SLC24A2: variants seen among roughly 807,000 people sequenced by gnomAD.
SLC24A2 encodes the protein sodium/potassium/calcium exchanger 2.
SLC24A2 carries 36 observed loss-of-function variants against 62.0 expected under a neutral mutation model. The observed-to-expected ratio is 0.58, with a 90% CI of 0.44 to 0.77. The LOEUF (loss-of-function observed/expected upper bound fraction) is 0.77. Ranked by LOEUF, SLC24A2 falls within the 30% of genes least tolerant of loss-of-function variation. SLC24A2 has a pLI of 0.00. For synonymous variants in SLC24A2, 358 were observed against 294.0 expected (o/e 1.22, Z -2.23); for missense variants, 846 against 817.9 (o/e 1.03, Z -0.42).
At chr9:19,534,033 C>A (rs1405302182) in intron 8 of SLC24A2, among the ~76,000 whole-genome samples, 2 of 152,110 alleles carry the variant, frequency 1.3e-5, no homozygotes, top group East Asian at 3.8e-4. Flanking sequence ...TTATCTCATG[C>A]TTTCCTTAAT....
chr9:19,690,281 C>T (rs1175629546), intron 2 of SLC24A2, among the ~76,000 whole-genome samples: 1 of 152,072 alleles, frequency 6.6e-6, no homozygotes, highest in African/African-American at 2.4e-5. Flanking sequence ...TACTGTGGGT[C>T]CGTTTGATTT....
intron 8 of SLC24A2, among the ~76,000 whole-genome samples, chr9:19,529,017 C>T (rs1833565202): frequency 6.6e-6 from 1 of 152,146 alleles, no homozygotes. Context: ...GAAACCCAGG[C>T]TTGCACTGTA....
At chr9:20,080,412 C>A in the SLC24A2 span, among the ~76,000 whole-genome samples, 1 of 152,148 alleles carries the variant, frequency 6.6e-6, no homozygotes, top group Admixed American at 6.5e-5. Flanking sequence ...GCTGGGAAAA[C>A]TGGCTAGCCA....
At chr9:19,778,975 C>T (rs1431733155) in intron 2 of SLC24A2, among the ~76,000 whole-genome samples, 1 of 151,890 alleles carries the variant, frequency 6.6e-6, no homozygotes, top group Non-Finnish European at 1.5e-5. Context: ...GAAAAAGAGC[C>T]ACATAAGACT....
At chr9:19,639,616 C>T (rs150277593) in intron 2 of SLC24A2, among the ~76,000 whole-genome samples, 35 of 152,282 alleles carry the variant, frequency 2.3e-4, no homozygotes, top group African/African-American at 7.2e-4. Context: ...TTTTTCTCAC[C>T]GATAATCTTG....
chr9:20,060,271 T>TAGAAG, the SLC24A2 span, among the ~76,000 whole-genome samples: 2 of 152,032 alleles, frequency 1.3e-5, no homozygotes, highest in Admixed American at 1.3e-4. Context: ...TCCCAAAAAA[T>TAGAAG]AGAAGAGAAC....
intron 5 of SLC24A2, among the ~76,000 whole-genome samples, chr9:19,582,632 C>G (rs7862398): frequency 0.24 from 37,105 of 152,040 alleles, 5,489 homozygotes; most frequent in African/African-American, 0.42. Context: ...TTATGGCTTG[C>G]CAGGTAGCTT....
the SLC24A2 span, among the ~76,000 whole-genome samples, chr9:19,848,057 T>G: frequency 6.6e-6 from 1 of 152,364 alleles, no homozygotes; most frequent in East Asian, 1.9e-4. Flanking sequence ...ACAATTCTTG[T>G]ATGATATCAG....
At chr9:19,798,299 G>C in the SLC24A2 span, among the ~76,000 whole-genome samples, 3 of 152,044 alleles carry the variant, frequency 2.0e-5, no homozygotes, top group Admixed American at 2.0e-4. Context: ...CTAAAAACAA[G>C]GCCATTTATG....
the SLC24A2 span, among the ~76,000 whole-genome samples, chr9:20,238,439 C>T: frequency 1.3e-5 from 2 of 152,186 alleles, no homozygotes; most frequent in African/African-American, 2.4e-5. Flanking sequence ...CTAGCACCCA[C>T]CATACCACCC....
the SLC24A2 span, among the ~76,000 whole-genome samples, chr9:20,251,616 T>A: frequency 6.6e-6 from 1 of 152,222 alleles, no homozygotes; most frequent in East Asian, 1.9e-4. Flanking sequence ...AATTACGTAA[T>A]AAACTGGTCA....
the SLC24A2 span, among the ~76,000 whole-genome samples, chr9:19,798,938 T>C: frequency 1.1e-4 from 17 of 152,322 alleles, no homozygotes; most frequent in Non-Finnish European, 1.8e-4. Context: ...TAATTACAAT[T>C]ATGCACATAT....
At position 19,550,170 on chromosome 9, in the gene SLC24A2, A is replaced by G. The variant is rs371613506; in HGVS notation, c.1446T>C (p.Pro482=). The G allele has an allele frequency of 6.2e-7, 1 of 1,614,002 alleles. No homozygotes were observed. Among genetic ancestry groups the G allele is most frequent in the African/African-American group, 1.3e-5 (1 of 74,932 alleles). The stretch of plus-strand genomic sequence containing the variant: ...GAACGTCAGGTAACGTAATCCAGAG[A>G]GGAAACACTATGGGGAAAACAATCA... ...TFLIVFPIVF[P]LWITLPDVRK... is the part of the protein sequence containing the mutation. The change falls in exon 8 of 11, where the codon CCT becomes CCC. Residue 482 remains proline, a synonymous_variant. Coordinates refer to ENST00000341998, the MANE Select transcript of SLC24A2 (RefSeq NM_020344.4).
At chr9:19,619,546 C>G (rs1488402778) in intron 4 of SLC24A2, 38 bp downstream of exon 4, 2 of 1,484,416 alleles carry the variant, frequency 1.3e-6, no homozygotes, top group African/African-American at 2.8e-5. Context: ...CATCCTTTTC[C>G]CCCCAAACAA....
intron 2 of SLC24A2, among the ~76,000 whole-genome samples, chr9:19,668,976 G>C (rs999496724): frequency 6.6e-6 from 1 of 152,174 alleles, no homozygotes; most frequent in Non-Finnish European, 1.5e-5. Flanking sequence ...GCCTGTCTCT[G>C]TTGGAGAACA....
the SLC24A2 span, among the ~76,000 whole-genome samples, chr9:19,864,189 A>G: frequency 6.6e-5 from 10 of 152,018 alleles, no homozygotes; most frequent in African/African-American, 2.4e-4. Context: ...AGCCATGATA[A>G]AAAGTCTTCC....
intron 2 of SLC24A2, among the ~76,000 whole-genome samples, chr9:19,754,030 C>G (rs1013169522): frequency 2.6e-4 from 40 of 152,094 alleles, no homozygotes; most frequent in Non-Finnish European, 5.0e-4. Flanking sequence ...CAAAAAAGCA[C>G]ACTTAAAAAA....
intron 2 of SLC24A2, among the ~76,000 whole-genome samples, chr9:19,756,286 G>A (rs1032254994): frequency 6.6e-6 from 1 of 152,142 alleles, no homozygotes; most frequent in African/African-American, 2.4e-5. Context: ...ACAAATGGAT[G>A]TGCCCTTCTG....
chr9:20,123,760 C>T, the SLC24A2 span, among the ~76,000 whole-genome samples: 1 of 152,120 alleles, frequency 6.6e-6, no homozygotes, highest in Non-Finnish European at 1.5e-5. Context: ...TTAATTATTT[C>T]TCCTTCTCTA....
Sources: allele counts gnomAD v4.1 joint callset (sites outside exome capture counted in the v4.1 genomes callset), GRCh38; gene constraint gnomAD v4.1.1; transcripts MANE v1.5; gene names NCBI Gene and HGNC (gene_info 2026-07-23, HGNC 2026-07-21).